The following CCBE1 variants were observed in gnomAD, a reference collection of about 807,000 sequenced individuals.
The protein encoded by CCBE1 is collagen and calcium-binding EGF domain-containing protein 1.
CCBE1 carries 37 observed loss-of-function variants against 50.0 expected under a neutral mutation model. The ratio of observed to expected loss-of-function variants is 0.74; its 90% CI spans 0.57 to 0.97. CCBE1 has a LOEUF of 0.97. Among genes scored for constraint, CCBE1 ranks in the 50% least tolerant of loss-of-function variants. CCBE1 has a pLI of 0.00. For synonymous variants in CCBE1, 234 were observed against 203.7 expected, an observed-to-expected ratio of 1.15 and a Z score of -1.27; for missense variants, 538 against 523.8, an observed-to-expected ratio of 1.03 and a Z score of -0.26.
chr18:59,442,492 C>T (rs1910479395), intron 7 of CCBE1, among the ~76,000 whole-genome samples: 1 of 152,144 alleles, frequency 6.6e-6, no homozygotes, highest in African/African-American at 2.4e-5. Flanking sequence ...CTTTGAGAGG[C>T]TGAGGTGGGC....
At chr18:59,652,856 C>G (rs368001946) in intron 2 of CCBE1, among the ~76,000 whole-genome samples, 63 of 152,060 alleles carry the variant, frequency 4.1e-4, no homozygotes, top group African/African-American at 1.5e-3. Flanking sequence ...CCCAGCTACT[C>G]AGGAGGCTGA....
intron 2 of CCBE1, among the ~76,000 whole-genome samples, chr18:59,534,735 C>G (rs570781107): frequency 2.6e-5 from 4 of 152,210 alleles, no homozygotes; most frequent in Non-Finnish European, 5.9e-5. Context: ...GAGGCTCCAT[C>G]TAGATTGTTT....
Position 59,436,024 on chromosome 18 carries a change from G to A in CCBE1, c.1105C>T (p.Pro369Ser). The change falls in exon 11 of 11, where the codon CCT becomes TCT. Residue 369 changes from proline (P) to serine (S), a missense_variant. Coordinates refer to ENST00000439986, the MANE Select transcript of CCBE1 (RefSeq NM_133459.4). ...HRTHSSAEEF[P>S]LPQEFPSYPE... Reference sequence around the variant, plus strand: ...TAGCTGGGAAATTCCTGAGGTAAAGGGAACTCCTCTGCTGAAGAGTGAGTC... The same window carrying A: ...TAGCTGGGAAATTCCTGAGGTAAAGAGAACTCCTCTGCTGAAGAGTGAGTC... The A allele has an allele frequency of 6.2e-7, 1 of 1,614,146 alleles. No individual in the cohort carries two copies. The highest frequency in any genetic ancestry group is 8.5e-7 in the Non-Finnish European group (1 of 1,180,018).
intron 2 of CCBE1, among the ~76,000 whole-genome samples, chr18:59,510,471 G>A (rs746018098): frequency 1.3e-5 from 2 of 151,984 alleles, no homozygotes; most frequent in Non-Finnish European, 2.9e-5. Flanking sequence ...ACCCAGACTG[G>A]AGGGCAATGG....
chr18:59,480,060 TAC>T (rs1405849050), intron 3 of CCBE1, 124 bp downstream of exon 3: 7 of 709,250 alleles, frequency 9.9e-6, no homozygotes, highest in African/African-American at 5.4e-5. Context: ...CCAAAAAATA[TAC>T]ACAGACAGAT....
intron 2 of CCBE1, among the ~76,000 whole-genome samples, chr18:59,554,538 G>C (rs2052628003): frequency 6.6e-6 from 1 of 152,158 alleles, no homozygotes. Context: ...ATATTGTATT[G>C]ACTGGTTATG....
At chr18:59,666,923 C>A (rs1192200757) in intron 2 of CCBE1, among the ~76,000 whole-genome samples, 1 of 152,166 alleles carries the variant, frequency 6.6e-6, no homozygotes, top group Non-Finnish European at 1.5e-5. Flanking sequence ...AAAGATCGTG[C>A]CACTGCACTC....
chr18:59,664,417 C>A (rs142666206), intron 2 of CCBE1, among the ~76,000 whole-genome samples: 1,551 of 152,236 alleles, frequency 0.01, 14 homozygotes, highest in Non-Finnish European at 0.013. Flanking sequence ...TAAATGGGAA[C>A]AGAAGAGATT....
intron 5 of CCBE1, among the ~76,000 whole-genome samples, chr18:59,464,394 C>T (rs1443186647): frequency 6.6e-6 from 1 of 152,210 alleles, no homozygotes; most frequent in Non-Finnish European, 1.5e-5. Context: ...CACCACTGCA[C>T]TCCAGCACTC....
intron 2 of CCBE1, among the ~76,000 whole-genome samples, chr18:59,675,595 CCA>C (rs754878793): frequency 2.6e-4 from 40 of 152,218 alleles, no homozygotes; most frequent in Middle Eastern, 3.4e-3. Flanking sequence ...TTGATAATCC[CCA>C]GTGATTGTGA....
Position 59,456,968 on chromosome 18 carries a change from T to C in CCBE1, c.554-2017A>G, listed in dbSNP as rs73963216. Among the ~76,000 whole-genome samples the C allele has an allele frequency of 3.4e-3, 524 of 152,298 alleles. 4 individuals carry two copies. Among genetic ancestry groups the C allele is most frequent in the African/African-American group, 0.012 (502 of 41,566 alleles). On this transcript the variant is annotated intron_variant, in intron 5 of 10. Transcript: ENST00000439986. ...AGCACCCGAGCTAGGTACACATTTC[T>C]CAAGCCAGCAGGTTGACACAAATGA...
chr18:59,596,704 T>C lies in CCBE1; in HGVS notation c.212+99925A>G, dbSNP rs75404925. ...TACACAATTGAGACAGCAAGAGTCCTGAGAAACCTTCTGTCCATTTCCATC... is the reference window on the plus strand; with the variant it reads ...TACACAATTGAGACAGCAAGAGTCCCGAGAAACCTTCTGTCCATTTCCATC... On this transcript the variant is annotated intron_variant, in intron 2 of 10. Transcript: ENST00000439986. Among the ~76,000 whole-genome samples the C allele has an allele frequency of 8.7e-3, 1,323 of 152,326 alleles. 16 individuals carry two copies. The highest frequency in any genetic ancestry group is 0.03 in the African/African-American group (1,250 of 41,564).
chr18:59,638,354 GA>G (rs2053942328), intron 2 of CCBE1, among the ~76,000 whole-genome samples: 1 of 152,170 alleles, frequency 6.6e-6, no homozygotes, highest in Admixed American at 6.5e-5. Flanking sequence ...ACAAGATAAG[GA>G]TATCAACTTT....
At chr18:59,508,880 G>A (rs971223266) in intron 2 of CCBE1, among the ~76,000 whole-genome samples, 1 of 151,738 alleles carries the variant, frequency 6.6e-6, no homozygotes, top group Admixed American at 6.6e-5. Flanking sequence ...CCACATACAC[G>A]GCTCTTAATA....
At chr18:59,506,329 C>T (rs1366470687) in intron 2 of CCBE1, among the ~76,000 whole-genome samples, 2 of 152,142 alleles carry the variant, frequency 1.3e-5, no homozygotes, top group Non-Finnish European at 1.5e-5. Flanking sequence ...AGGAACCAAC[C>T]CTGAGGATAC....
At chr18:59,683,065 T>C (rs756230935) in intron 2 of CCBE1, among the ~76,000 whole-genome samples, 2 of 152,246 alleles carry the variant, frequency 1.3e-5, no homozygotes, top group African/African-American at 2.4e-5. Context: ...GAAAAAGTGA[T>C]ATATATTTTC....
intron 6 of CCBE1, among the ~76,000 whole-genome samples, chr18:59,450,903 C>G (rs909526450): frequency 6.6e-6 from 1 of 152,130 alleles, no homozygotes; most frequent in Admixed American, 6.5e-5. Context: ...CAGAGGAAAC[C>G]ACACATTATT....
intron 2 of CCBE1, among the ~76,000 whole-genome samples, chr18:59,519,966 A>G (rs150121507): frequency 1.3e-5 from 2 of 152,310 alleles, no homozygotes; most frequent in East Asian, 3.9e-4. Context: ...CAGGCTTGTC[A>G]AAGATCGGAT....
At chr18:59,588,784 C>A (rs1040989602) in intron 2 of CCBE1, among the ~76,000 whole-genome samples, 1 of 152,086 alleles carries the variant, frequency 6.6e-6, no homozygotes, top group African/African-American at 2.4e-5. Flanking sequence ...ACCAGCAATG[C>A]CCAGCATTTT....
Sources: gnomAD v4.1 joint callset for allele counts (sites outside exome capture counted in the v4.1 genomes callset) on GRCh38, gnomAD v4.1.1 for gene constraint, MANE v1.5 for transcripts, NCBI Gene and HGNC (gene_info 2026-07-23, HGNC 2026-07-21) for gene names.